SCAI: variants seen among roughly 807,000 people sequenced by gnomAD.
SCAI encodes suppressor of cancer cell invasion, also known as protein SCAI.
In SCAI, 24 loss-of-function variants were observed where a neutral mutation model predicts 92.2. That is an observed-to-expected ratio of 0.26 (90% CI 0.19 to 0.37). SCAI has a LOEUF of 0.37. Ranked by LOEUF, SCAI falls within the 10% of genes least tolerant of loss-of-function variation. The probability of loss-of-function intolerance (pLI) is 1.00; values close to 1 mark genes in which losing one functional copy is unlikely to be tolerated. For synonymous variants in SCAI, 261 were observed against 258.6 expected (o/e 1.01, Z -0.09); for missense variants, 450 against 736.2 (o/e 0.61, Z 4.50).
At chr9:124,969,159 G>T (rs1478695418) in intron 17 of SCAI, among the ~76,000 whole-genome samples, 1 of 152,060 alleles carries the variant, frequency 6.6e-6, no homozygotes, top group East Asian at 1.9e-4. Context: ...TACCCAGGCT[G>T]GTCTCAAATT....
intron 13 of SCAI, among the ~76,000 whole-genome samples, chr9:124,997,961 T>A (rs556532556): frequency 2.3e-4 from 35 of 152,142 alleles, no homozygotes; most frequent in East Asian, 3.9e-4. Context: ...TTTTTGCATT[T>A]AAAAAAATTT....
At chr9:125,126,397 G>A (rs1203550261) in intron 2 of SCAI, among the ~76,000 whole-genome samples, 2 of 147,784 alleles carry the variant, frequency 1.4e-5, no homozygotes, top group Non-Finnish European at 3.0e-5. Context: ...TTGGGGGTGT[G>A]TGTGTGTGTG....
intron 3 of SCAI, among the ~76,000 whole-genome samples, chr9:125,053,162 T>G (rs1833595854): frequency 6.6e-6 from 1 of 152,068 alleles, no homozygotes; most frequent in African/African-American, 2.4e-5. Context: ...TAGTGAAACC[T>G]GTCTCTACCA....
chr9:124,981,619 C>T (rs1290675899), intron 14 of SCAI, among the ~76,000 whole-genome samples: 2 of 151,818 alleles, frequency 1.3e-5, no homozygotes, highest in African/African-American at 4.8e-5. Flanking sequence ...ATGTGATTGT[C>T]TTATTTATCC....
chr9:125,022,022 T>C (rs1160305030), intron 6 of SCAI, among the ~76,000 whole-genome samples: 1 of 152,220 alleles, frequency 6.6e-6, no homozygotes, highest in Non-Finnish European at 1.5e-5. Flanking sequence ...CAGATTTTCA[T>C]ATAAGTTTGA....
At chr9:125,126,938 T>C (rs139740209) in intron 2 of SCAI, among the ~76,000 whole-genome samples, 1 of 152,290 alleles carries the variant, frequency 6.6e-6, no homozygotes, top group African/African-American at 2.4e-5. Context: ...GGTTTGTGCA[T>C]GTTTTCTGAA....
Position 124,943,767 on chromosome 9 carries a change from A to C in SCAI, c.*9040T>G, listed in dbSNP as rs1266667616. ...ATTTTAACTCCTATTTGATTATCTT[A>C]ACCTTTAGTGATGATTAGAACTTAA... On this transcript the variant is annotated 3_prime_UTR_variant, in exon 18 of 18. Transcript: ENST00000336505. 6.6e-6 allele frequency: 1 copy of C among 152,194 alleles called. No individual in the cohort carries two copies. Among genetic ancestry groups the C allele is most frequent in the African/African-American group, 2.4e-5 (1 of 41,454 alleles). The allele number at this position is 152,194 out of a possible 1,614,324, so 9.4% of individuals were successfully genotyped here. A position where few individuals can be genotyped will look rare whatever the true frequency, so the allele number is the denominator to read the frequency against.
intron 2 of SCAI, among the ~76,000 whole-genome samples, chr9:125,079,536 G>A (rs1422120123): frequency 6.6e-6 from 1 of 152,058 alleles, no homozygotes; most frequent in Non-Finnish European, 1.5e-5. Context: ...ATGCTATACT[G>A]CCTAATCAAA....
chr9:125,025,594 A>T (rs927426776), intron 6 of SCAI, among the ~76,000 whole-genome samples: 1 of 152,238 alleles, frequency 6.6e-6, no homozygotes, highest in Non-Finnish European at 1.5e-5. Context: ...TGGAGGAAAT[A>T]TATCTGTAGT....
chr9:124,952,687 T>C lies in SCAI; in HGVS notation c.*120A>G. ...ATTTTTTTGTTTGTTTTTAAAATGG[T>C]GGCCCTAAATTAAAAAATAAAAACT... is the stretch of plus-strand genomic sequence containing the variant. On this transcript the variant is annotated 3_prime_UTR_variant, in exon 18 of 18. Transcript: ENST00000336505. The C allele has an allele frequency of 1.5e-6, 1 of 675,404 alleles. No homozygotes were observed. The highest frequency in any genetic ancestry group is 2.3e-6 in the Non-Finnish European group (1 of 432,876). 41.8% of individuals were successfully genotyped at this position (675,404 alleles called of 1,614,324 possible). A position where few individuals can be genotyped will look rare whatever the true frequency, so the allele number is the denominator to read the frequency against.
chr9:125,006,320 A>G (rs1008580356), intron 9 of SCAI, among the ~76,000 whole-genome samples: 1 of 152,204 alleles, frequency 6.6e-6, no homozygotes, highest in African/African-American at 2.4e-5. Flanking sequence ...GCTGGAGACC[A>G]GCCAAGAGGC....
intron 2 of SCAI, among the ~76,000 whole-genome samples, chr9:125,119,201 A>T (rs925350591): frequency 4.6e-5 from 7 of 152,292 alleles, no homozygotes; most frequent in African/African-American, 1.4e-4. Context: ...ATTTTGTGGC[A>T]GGTAATATCA....
intron 9 of SCAI, among the ~76,000 whole-genome samples, chr9:125,017,221 A>C (rs1832778610): frequency 6.6e-6 from 1 of 152,130 alleles, no homozygotes; most frequent in African/African-American, 2.4e-5. Context: ...TGAAATATTC[A>C]GTTCTTGTAC....
intron 3 of SCAI, among the ~76,000 whole-genome samples, chr9:125,036,083 G>A (rs1189300082): frequency 6.6e-6 from 1 of 152,126 alleles, no homozygotes; most frequent in Non-Finnish European, 1.5e-5. Context: ...CCAGGAGGTT[G>A]AGGCTGCAAT....
intron 2 of SCAI, among the ~76,000 whole-genome samples, chr9:125,086,667 A>C (rs1258506548): frequency 6.6e-6 from 1 of 152,242 alleles, no homozygotes; most frequent in Middle Eastern, 3.2e-3. Flanking sequence ...TTAATAGATC[A>C]AAATGTAGTC....
chr9:125,099,765 T>C (rs1834640721), intron 2 of SCAI, among the ~76,000 whole-genome samples: 1 of 152,264 alleles, frequency 6.6e-6, no homozygotes, highest in African/African-American at 2.4e-5. Flanking sequence ...CTACTCTAAG[T>C]ACTTTGTATA....
intron 2 of SCAI, among the ~76,000 whole-genome samples, chr9:125,105,827 G>A (rs781196851): frequency 1.1e-4 from 16 of 151,714 alleles, no homozygotes; most frequent in East Asian, 1.9e-4. Flanking sequence ...GGCCGGGCGC[G>A]GTGGCTCACG....
At chr9:125,036,420 AGAAAGAGT>A in intron 3 of SCAI, among the ~76,000 whole-genome samples, 1 of 152,332 alleles carries the variant, frequency 6.6e-6, no homozygotes, top group South Asian at 2.1e-4. Context: ...TAATAAACGA[AGAAAGAGT>A]GATAAAAGTA....
In SCAI at chr9:124,945,115, A is replaced by T. The variant is rs1182675417; in HGVS notation, c.*7692T>A. The T allele has an allele frequency of 2.0e-5, 3 of 152,180 alleles. No individual in the cohort carries two copies. The highest frequency in any genetic ancestry group is 4.4e-5 in the Non-Finnish European group (3 of 68,026). The allele number at this position is 152,180 out of a possible 1,614,324, so 9.4% of individuals were successfully genotyped here. A position where few individuals can be genotyped will look rare whatever the true frequency, so the allele number is the denominator to read the frequency against. On this transcript the variant is annotated 3_prime_UTR_variant, in exon 18 of 18. Coordinates refer to ENST00000336505, the MANE Select transcript of SCAI (RefSeq NM_001144877.3). Reference sequence around the variant, plus strand: ...CACCAAAATAGGAAATTGATACCCAATTTATAGTCTATGATGAAATTTAGG... The same window carrying T: ...CACCAAAATAGGAAATTGATACCCATTTTATAGTCTATGATGAAATTTAGG...
Sources: gnomAD v4.1 joint callset for allele counts (sites outside exome capture counted in the v4.1 genomes callset) on GRCh38, gnomAD v4.1.1 for gene constraint, MANE v1.5 for transcripts, NCBI Gene and HGNC (gene_info 2026-07-23, HGNC 2026-07-21) for gene names.